Variants in DGKB observed in about 807,000 individuals in gnomAD.
DGKB encodes 90 kDa diacylglycerol kinase.
DGKB carries 67 observed loss-of-function variants against 114.3 expected under a neutral mutation model. The observed-to-expected ratio is 0.59, with a 90% CI of 0.48 to 0.72. The LOEUF is 0.72. DGKB is among the 30% of genes least tolerant of loss of function. The probability of loss-of-function intolerance (pLI) is 0.00; values close to 1 mark genes in which losing one functional copy is unlikely to be tolerated. For missense variants in DGKB, 907 were observed against 975.2 expected (o/e 0.93, Z 0.93); for synonymous variants, 398 against 323.1 (o/e 1.23, Z -2.49).
chr7:14,399,611 T>G (rs1235972986), intron 21 of DGKB, among the ~76,000 whole-genome samples: 1 of 151,894 alleles, frequency 6.6e-6, no homozygotes, highest in Admixed American at 6.6e-5. Flanking sequence ...CTGTCCTATA[T>G]ATTTACTTGT....
At position 14,431,041 on chromosome 7, in the gene DGKB, G is replaced by A. The variant is rs1204501773; in HGVS notation, c.1835+47120C>T. ...GCCTTCTTGTTTTGATCTTTCAGGC[G>A]ATGTGACTTTCCTGGCTATAGTTGC... On this transcript the variant is annotated intron_variant, in intron 21 of 25. Coordinates refer to ENST00000402815, the MANE Select transcript of DGKB (RefSeq NM_001350709.2). Among the ~76,000 whole-genome samples the A allele has an allele frequency of 3.9e-5, 6 of 151,962 alleles. 1 individual carries two copies. In the South Asian group the frequency reaches 6.2e-4, roughly 16 times the overall value.
rs552025912 is a variant in DGKB at position 14,882,141 on chromosome 7, T to C, written c.-188+20451A>G. On this transcript the variant is annotated intron_variant, in intron 1 of 25. Coordinates refer to ENST00000402815, the MANE Select transcript of DGKB (RefSeq NM_001350709.2). ...TGGTCTCAAAAAGATTAATAGAGAGTAGGAAAATTTGGAGTTAAAAAAGTG... is the reference window on the plus strand; with the variant it reads ...TGGTCTCAAAAAGATTAATAGAGAGCAGGAAAATTTGGAGTTAAAAAAGTG... 1.2e-4 allele frequency among the ~76,000 whole-genome samples: 18 copies of C among 151,292 alleles called. No individual in the cohort carries two copies. The East Asian group carries it at 3.5e-3, about 29-fold the overall frequency.
intron 17 of DGKB, among the ~76,000 whole-genome samples, chr7:14,594,361 G>A (rs1193816000): frequency 1.3e-5 from 2 of 151,862 alleles, no homozygotes; most frequent in Non-Finnish European, 2.9e-5. Flanking sequence ...ATATATGTTT[G>A]GAAATGCAGG....
intron 1 of DGKB, among the ~76,000 whole-genome samples, chr7:14,920,565 G>T (rs1784463652): frequency 6.6e-6 from 1 of 152,170 alleles, no homozygotes; most frequent in Non-Finnish European, 1.5e-5. Context: ...AAATGTAAAT[G>T]TGACTTTGGA....
intron 20 of DGKB, among the ~76,000 whole-genome samples, chr7:14,528,036 G>T (rs1214671170): frequency 3.3e-5 from 5 of 152,038 alleles, no homozygotes; most frequent in African/African-American, 4.8e-5. Context: ...TGGGTAAAGT[G>T]AAATAAATAC....
intron 13 of DGKB, among the ~76,000 whole-genome samples, chr7:14,671,488 AT>A: frequency 6.6e-6 from 1 of 152,276 alleles, no homozygotes; most frequent in East Asian, 1.9e-4. Context: ...GCAATGAAAG[AT>A]TTTTCAAGAT....
At chr7:14,887,625 C>T (rs1049865184) in intron 1 of DGKB, among the ~76,000 whole-genome samples, 1 of 151,582 alleles carries the variant, frequency 6.6e-6, no homozygotes, top group African/African-American at 2.4e-5. Flanking sequence ...TATATTATGT[C>T]GATAGAGGAA....
At chr7:14,563,505 A>G (rs1796966706) in intron 20 of DGKB, among the ~76,000 whole-genome samples, 1 of 151,610 alleles carries the variant, frequency 6.6e-6, no homozygotes, top group African/African-American at 2.4e-5. Flanking sequence ...CCATTCCATG[A>G]TTTCTATTTG....
chr7:14,894,779 C>A (rs1321753077), intron 1 of DGKB, among the ~76,000 whole-genome samples: 1 of 151,586 alleles, frequency 6.6e-6, no homozygotes, highest in Non-Finnish European at 1.5e-5. Flanking sequence ...TATCACTTCA[C>A]TTTCAGAATA....
intron 24 of DGKB, among the ~76,000 whole-genome samples, chr7:14,177,655 C>T (rs1231938213): frequency 6.6e-6 from 1 of 151,260 alleles, no homozygotes; most frequent in South Asian, 2.1e-4. Context: ...CTTACTGTGG[C>T]ACTTTAGTCC....
chr7:14,929,987 C>A (rs1052030119), intron 1 of DGKB, among the ~76,000 whole-genome samples: 2 of 152,042 alleles, frequency 1.3e-5, no homozygotes, highest in Non-Finnish European at 2.9e-5. Context: ...GTGTCCTTTC[C>A]CCAATATGTG....
chr7:14,420,998 T>C (rs897040456), intron 21 of DGKB, among the ~76,000 whole-genome samples: 11 of 152,214 alleles, frequency 7.2e-5, no homozygotes, highest in African/African-American at 2.4e-4. Context: ...GTACCTCTGA[T>C]TGGACGTGGG....
intron 20 of DGKB, among the ~76,000 whole-genome samples, chr7:14,524,685 G>A (rs188407957): frequency 6.6e-6 from 1 of 150,932 alleles, no homozygotes; most frequent in Admixed American, 6.6e-5. Flanking sequence ...GAGCCTGGGA[G>A]GCAGAAGTTG....
chr7:14,706,018 G>A (rs1350312443), intron 6 of DGKB, among the ~76,000 whole-genome samples: 2 of 151,328 alleles, frequency 1.3e-5, no homozygotes, highest in Non-Finnish European at 2.9e-5. Flanking sequence ...GACACAGACT[G>A]GCAAATTGGA....
chr7:14,767,864 C>T (rs1836701609), intron 2 of DGKB, among the ~76,000 whole-genome samples: 1 of 151,786 alleles, frequency 6.6e-6, no homozygotes, highest in East Asian at 1.9e-4. Flanking sequence ...TTTTTAAGTT[C>T]TTATGTGGGT....
At chr7:14,922,509 G>A (rs1784559234) in intron 1 of DGKB, among the ~76,000 whole-genome samples, 1 of 151,446 alleles carries the variant, frequency 6.6e-6, no homozygotes, top group Non-Finnish European at 1.5e-5. Context: ...AAAGATGGTG[G>A]GTATGGAGAT....
At chr7:14,225,864 ATTAT>A (rs1380279166) in intron 23 of DGKB, among the ~76,000 whole-genome samples, 1 of 151,972 alleles carries the variant, frequency 6.6e-6, no homozygotes, top group African/African-American at 2.4e-5. Context: ...TATAAAGGGA[ATTAT>A]TTATTTACTA....
At chr7:14,191,964 C>T in intron 23 of DGKB, 1 of 652,632 alleles carries the variant, frequency 1.5e-6, no homozygotes. Flanking sequence ...GGTGATGCTA[C>T]CATTGTCGAT....
chr7:14,266,531 T>C lies in DGKB; in HGVS notation c.2122+71984A>G, dbSNP rs147520747. On this transcript the variant is annotated intron_variant, in intron 23 of 25. Coordinates refer to ENST00000402815, the MANE Select transcript of DGKB (RefSeq NM_001350709.2). ...TGTCTCTGAAAAATGTTTATAGTTA[T>C]AAAGGCTAGAGATGATGTCATTTTT... Among the ~76,000 whole-genome samples, 853 of 152,336 alleles carry C rather than the reference T, an allele frequency of 5.6e-3. 4 individuals are homozygous for C. Among genetic ancestry groups the C allele is most frequent in the African/African-American group, 0.019 (802 of 41,574 alleles).
Sources: gnomAD v4.1 joint callset for allele counts (sites outside exome capture counted in the v4.1 genomes callset) on GRCh38, gnomAD v4.1.1 for gene constraint, MANE v1.5 for transcripts, NCBI Gene and HGNC (gene_info 2026-07-23, HGNC 2026-07-21) for gene names.